Variants in GPATCH11 observed in about 807,000 individuals in gnomAD.
The protein encoded by GPATCH11 is G-patch domain containing 11.
In GPATCH11, 32 loss-of-function variants were observed where a neutral mutation model predicts 44.8. The ratio of observed to expected loss-of-function variants is 0.71; its 90% CI spans 0.54 to 0.96. GPATCH11 has a LOEUF of 0.96. Among genes scored for constraint, GPATCH11 ranks in the 40% least tolerant of loss-of-function variants. GPATCH11 has a pLI of 0.00. For missense variants in GPATCH11, 324 were observed against 303.1 expected, an observed-to-expected ratio of 1.07 and a Z score of -0.51; for synonymous variants, 84 against 94.4, an observed-to-expected ratio of 0.89 and a Z score of 0.64.
In GPATCH11 at chr2:37,091,982, GAA is replaced by G. The variant is rs1319813547; in HGVS notation, c.400_401del (p.Lys134AspfsTer8). The G allele has an allele frequency of 1.2e-6, 2 of 1,613,198 alleles. No homozygotes were observed. Among genetic ancestry groups the G allele is most frequent in the African/African-American group, 1.3e-5 (1 of 74,992 alleles). On this transcript the variant is annotated frameshift_variant, in exon 5 of 9. Coordinates refer to ENST00000674370, the MANE Select transcript of GPATCH11 (RefSeq NM_174931.4). LOFTEE classifies it high-confidence loss of function. ...GCAGAGGAAAAATTGGAAAGCTACA[GAA>G]AAAAGATTCACATGAAAAACCAAGC...
chr2:37,091,921 A>G lies in GPATCH11; in HGVS notation c.334A>G (p.Ser112Gly). The G allele has an allele frequency of 6.2e-7, 1 of 1,608,898 alleles. No homozygotes were observed. The highest frequency in any genetic ancestry group is 8.5e-7 in the Non-Finnish European group (1 of 1,176,736). The change falls in exon 5 of 9, where the codon AGT (serine) becomes GGT (glycine). Residue 112 changes from serine (S) to glycine (G), a missense_variant. By Grantham distance (56) the Ser-to-Gly change is moderately conservative. Coordinates refer to ENST00000674370, the MANE Select transcript of GPATCH11 (RefSeq NM_174931.4). ...PIPLNIKTGKSGIGHEASLKR... is the reference protein window; with the variant it reads ...PIPLNIKTGKGGIGHEASLKR... The stretch of plus-strand genomic sequence containing the variant: ...AGAATTTTCTGTTTGAATAGGGAAA[A>G]GTGGCATTGGTCATGAGGCATCATT...
rs1365092653 is a variant in GPATCH11, at chr2:37,096,912, C to G, written c.*649C>G. The G allele has an allele frequency of 6.7e-6, 1 of 149,004 alleles. No individual in the cohort carries two copies. Among genetic ancestry groups the G allele is most frequent in the African/African-American group, 2.5e-5 (1 of 40,500 alleles). 9.2% of individuals were successfully genotyped at this position (149,004 alleles called of 1,614,324 possible). A position where few individuals can be genotyped will look rare whatever the true frequency, so the allele number is the denominator to read the frequency against. On this transcript the variant is annotated 3_prime_UTR_variant, in exon 9 of 9. Coordinates refer to ENST00000674370, the MANE Select transcript of GPATCH11 (RefSeq NM_174931.4). ...TGCTTTGAAGGAGCAAGGAGAAGTT[C>G]CCTTCCCTCCATCCAAGCATGAAGA...
intron 2 of GPATCH11, among the ~76,000 whole-genome samples, chr2:37,089,074 A>G (rs1197451551): frequency 6.6e-6 from 1 of 152,196 alleles, no homozygotes; most frequent in Admixed American, 6.5e-5. Context: ...AAACATAGTA[A>G]GTCTAAACTT....
At chr2:37,094,005 A>T (rs1673452302) in intron 6 of GPATCH11, 77 bp from the exon 7 acceptor site, 1 of 913,970 alleles carries the variant, frequency 1.1e-6, no homozygotes, top group Non-Finnish European at 1.8e-6. Flanking sequence ...TGAAAGAATG[A>T]ATTCATGTTG....
intron 2 of GPATCH11, among the ~76,000 whole-genome samples, chr2:37,088,803 T>C (rs1314707747): frequency 3.3e-5 from 5 of 152,238 alleles, no homozygotes; most frequent in African/African-American, 9.6e-5. Context: ...ATTACAGGCA[T>C]GAACCACCGT....
intron 6 of GPATCH11, among the ~76,000 whole-genome samples, chr2:37,093,541 A>G (rs1051413538): frequency 1.3e-5 from 2 of 152,108 alleles, no homozygotes; most frequent in South Asian, 2.1e-4. Context: ...TTTGTAGCAT[A>G]TATGTATTAT....
chr2:37,088,526 A>C, intron 2 of GPATCH11, 86 bp downstream of exon 2: 1 of 734,592 alleles, frequency 1.4e-6, no homozygotes, highest in South Asian at 2.1e-5. Flanking sequence ...ATTTTATTTT[A>C]TTTTTTTGAG....
chr2:37,094,305 T>G (rs1385813904), intron 7 of GPATCH11, 110 bp downstream of exon 7: 1 of 681,410 alleles, frequency 1.5e-6, no homozygotes, highest in African/African-American at 1.8e-5. Context: ...TTGCAAGATG[T>G]TTAGCAGCAT....
intron 1 of GPATCH11, among the ~76,000 whole-genome samples, chr2:37,085,834 A>C (rs547889850): frequency 1.3e-5 from 2 of 152,368 alleles, no homozygotes; most frequent in African/African-American, 4.8e-5. Context: ...TTTCTTAAGA[A>C]GTTGCAGTGA....
chr2:37,093,944 C>T (rs1007125415), intron 6 of GPATCH11, 138 bp from the exon 7 acceptor site: 26 of 600,476 alleles, frequency 4.3e-5, no homozygotes, highest in African/African-American at 3.3e-4. Flanking sequence ...CGTGAGCCAC[C>T]GTGCCCGGCC....
intron 7 of GPATCH11, among the ~76,000 whole-genome samples, chr2:37,094,504 T>G (rs1024115168): frequency 6.6e-6 from 1 of 152,212 alleles, no homozygotes; most frequent in Non-Finnish European, 1.5e-5. Flanking sequence ...CCATTTGTCC[T>G]CTCATCTCAG....
intron 7 of GPATCH11, 112 bp downstream of exon 7, chr2:37,094,307 T>C (rs1404252893): frequency 1.0e-5 from 7 of 674,672 alleles, no homozygotes; most frequent in Non-Finnish European, 1.8e-5. Flanking sequence ...GCAAGATGTT[T>C]AGCAGCATCT....
intron 2 of GPATCH11, 103 bp downstream of exon 2, chr2:37,088,543 T>A: frequency 1.6e-6 from 1 of 631,532 alleles, no homozygotes; most frequent in East Asian, 3.0e-5. Flanking sequence ...TGAGACAGGG[T>A]CTCATTCTGT....
In GPATCH11 at chr2:37,084,546, A is replaced by G. The variant is rs1436658688; in HGVS notation, c.-38A>G. On this transcript the variant is annotated 5_prime_UTR_variant, in exon 1 of 9. Transcript: ENST00000674370. Reference sequence around the variant, plus strand: ...CGCAGCGCGCGCTCTACGGCGCTGAACCGGGGCGAGCAGAGAGCTGTCAGG... The same window carrying G: ...CGCAGCGCGCGCTCTACGGCGCTGAGCCGGGGCGAGCAGAGAGCTGTCAGG... 1.6e-6 allele frequency: 2 copies of G among 1,232,526 alleles called. No individual in the cohort carries two copies. The highest frequency in any genetic ancestry group is 2.0e-6 in the Non-Finnish European group (2 of 988,316). 76.3% of individuals were successfully genotyped at this position (1,232,526 alleles called of 1,614,324 possible).
chr2:37,090,615 C>T (rs1673269684), intron 3 of GPATCH11, 66 bp from the exon 4 acceptor site: 3 of 830,376 alleles, frequency 3.6e-6, no homozygotes, highest in Admixed American at 2.5e-5. Context: ...TGTAAAGTTG[C>T]ATACTTATAC....
rs1410913892 is a variant in GPATCH11 at position 37,098,741 on chromosome 2, C to G, written c.*2478C>G. The stretch of plus-strand genomic sequence containing the variant: ...TGGGAGATATCCCTCTGTTGTCCAT[C>G]GAAAGATAAAAATACAGGCTTTCAG... On this transcript the variant is annotated 3_prime_UTR_variant, in exon 9 of 9. Coordinates refer to ENST00000674370, the MANE Select transcript of GPATCH11 (RefSeq NM_174931.4). The G allele has an allele frequency of 6.6e-6, 1 of 152,172 alleles. No individual in the cohort carries two copies. Among genetic ancestry groups the G allele is most frequent in the Non-Finnish European group, 1.5e-5 (1 of 68,056 alleles). The allele number at this position is 152,172 out of a possible 1,614,324, so 9.4% of individuals were successfully genotyped here.
chr2:37,087,751 G>A (rs1211301409), intron 1 of GPATCH11, among the ~76,000 whole-genome samples: 1 of 152,178 alleles, frequency 6.6e-6, no homozygotes, highest in Non-Finnish European at 1.5e-5. Context: ...TGTTCAGAGG[G>A]CAGTGAGGAG....
chr2:37,088,811 C>T (rs865938067), intron 2 of GPATCH11, among the ~76,000 whole-genome samples: 3 of 152,210 alleles, frequency 2.0e-5, no homozygotes, highest in African/African-American at 4.8e-5. Flanking sequence ...CATGAACCAC[C>T]GTGCCCAGCC....
intron 1 of GPATCH11, among the ~76,000 whole-genome samples, chr2:37,086,316 T>C (rs558309938): frequency 6.6e-6 from 1 of 152,352 alleles, no homozygotes; most frequent in Non-Finnish European, 1.5e-5. Context: ...TAAAAATGAC[T>C]TGTTGACATA....
Sources: gnomAD v4.1 joint callset for allele counts (sites outside exome capture counted in the v4.1 genomes callset) on GRCh38, gnomAD v4.1.1 for gene constraint, MANE v1.5 for transcripts, NCBI Gene and HGNC (gene_info 2026-07-23, HGNC 2026-07-21) for gene names.